Variants in DIP2C observed in about 807,000 individuals in gnomAD.
DIP2C encodes the protein DIP2 acetate--CoA ligase C (putative).
Under a neutral mutation model 192.4 loss-of-function variants are expected in DIP2C, and 33 were observed. The ratio of observed to expected loss-of-function variants is 0.17; its 90% confidence interval spans 0.13 to 0.23. The LOEUF (loss-of-function observed/expected upper bound fraction) is 0.23, where lower values mean the gene tolerates loss of function less well. Among genes scored for constraint, DIP2C ranks in the 10% least tolerant of loss-of-function variants. DIP2C has a pLI of 1.00. For synonymous variants in DIP2C, 979 were observed against 864.1 expected, an observed-to-expected ratio of 1.13 and a Z score of -2.33; for missense variants, 1,537 against 2,110.1, an observed-to-expected ratio of 0.73 and a Z score of 5.32.
At chr10:383,770 C>T (rs144721634) in intron 16 of DIP2C, among the ~76,000 whole-genome samples, 79 of 152,218 alleles carry the variant, frequency 5.2e-4, no homozygotes, top group African/African-American at 1.8e-3. Flanking sequence ...TCCTCTGAAT[C>T]CCAGGGCTGT....
At chr10:510,093 T>A (rs960225507) in intron 1 of DIP2C, among the ~76,000 whole-genome samples, 3 of 152,230 alleles carry the variant, frequency 2.0e-5, no homozygotes. Context: ...GAGGGAGTTA[T>A]CTGTAGCAAT....
At chr10:579,905 A>G (rs1047412815) in intron 1 of DIP2C, among the ~76,000 whole-genome samples, 2 of 151,872 alleles carry the variant, frequency 1.3e-5, no homozygotes, top group African/African-American at 2.4e-5. Context: ...CACACAATCT[A>G]TATGCATACA....
rs147940967 is a variant in DIP2C, at chr10:619,558, C to T, written c.85+69936G>A. On this transcript the variant is annotated intron_variant, in intron 1 of 36. Coordinates refer to ENST00000280886, the MANE Select transcript of DIP2C (RefSeq NM_014974.3). ...GCCCGCCCGCCCTCCCACCCAGCTC[C>T]TCACGCACTCCCGTGCGAGCTAATA... 5.0e-3 allele frequency among the ~76,000 whole-genome samples: 691 copies of T among 138,908 alleles called. 17 individuals are homozygous for T. Among genetic ancestry groups the T allele is most frequent in the Admixed American group, 0.042 (586 of 14,032 alleles). The allele number at this position is 138,908 out of a possible 152,430, so 91.1% of individuals were successfully genotyped here.
intron 1 of DIP2C, among the ~76,000 whole-genome samples, chr10:507,704 G>C (rs1845714981): frequency 6.6e-6 from 1 of 152,166 alleles, no homozygotes; most frequent in African/African-American, 2.4e-5. Flanking sequence ...GCACAGGTGA[G>C]TTTGTTCCCG....
intron 4 of DIP2C, among the ~76,000 whole-genome samples, chr10:428,396 G>A (rs1485173515): frequency 1.3e-5 from 2 of 152,124 alleles, no homozygotes; most frequent in East Asian, 3.9e-4. Flanking sequence ...TTTCATCCGT[G>A]TTTATAAAGG....
intron 29 of DIP2C, among the ~76,000 whole-genome samples, chr10:331,710 G>A (rs7091865): frequency 0.95 from 144,957 of 152,282 alleles, 69,334 homozygotes; most frequent in East Asian, 1. Context: ...CAGTGGTCCC[G>A]GAACCTATCT....
At chr10:584,083 C>G (rs1262330009) in intron 1 of DIP2C, among the ~76,000 whole-genome samples, 1 of 152,204 alleles carries the variant, frequency 6.6e-6, no homozygotes, top group Non-Finnish European at 1.5e-5. Context: ...CCCTTCAGCA[C>G]TGACTCTGAG....
chr10:507,467 G>A (rs2050969), intron 1 of DIP2C, among the ~76,000 whole-genome samples: 5 of 150,336 alleles, frequency 3.3e-5, no homozygotes, highest in African/African-American at 7.3e-5. Flanking sequence ...GTGAGGTTAC[G>A]GACTTGGTCA....
chr10:421,845 C>A (rs10795124), intron 5 of DIP2C, among the ~76,000 whole-genome samples: 67,976 of 152,044 alleles, frequency 0.45, 15,826 homozygotes, highest in African/African-American at 0.56. Context: ...AGCTCTCCTG[C>A]CAGCAAACTC....
Position 274,431 on chromosome 10 carries a change from TC to T in DIP2C, c.*2893del, listed in dbSNP as rs1300371141. 1 of 152,216 alleles carries T rather than the reference TC, an allele frequency of 6.6e-6. No homozygotes were observed. The highest frequency in any genetic ancestry group is 1.5e-5 in the Non-Finnish European group (1 of 68,036). The allele number at this position is 152,216 out of a possible 1,614,324, so 9.4% of individuals were successfully genotyped here. A position where few individuals can be genotyped will look rare whatever the true frequency, so the allele number is the denominator to read the frequency against. On this transcript the variant is annotated 3_prime_UTR_variant, in exon 37 of 37. Coordinates refer to ENST00000280886, the MANE Select transcript of DIP2C (RefSeq NM_014974.3). ...GGATTAAAGCTGTCCCAGACATCTT[TC>T]CAGGGGACCAATTAAGAAACTGCTA...
intron 17 of DIP2C, chr10:370,168 C>T (rs769389333): frequency 1.7e-6 from 1 of 594,708 alleles, no homozygotes; most frequent in Non-Finnish European, 2.1e-6. Context: ...AAGATTTACG[C>T]TGTGCCATTG....
intron 1 of DIP2C, among the ~76,000 whole-genome samples, chr10:620,125 C>T (rs1337685506): frequency 1.3e-5 from 2 of 152,162 alleles, no homozygotes; most frequent in Non-Finnish European, 2.9e-5. Context: ...ACGGAGGACG[C>T]CACAGCCGAT....
intron 2 of DIP2C, chr10:484,766 C>G (rs1365392836): frequency 6.2e-7 from 1 of 1,608,696 alleles, no homozygotes; most frequent in East Asian, 2.2e-5. Flanking sequence ...TGGCTCTCAG[C>G]AAAGCAGCGC....
chr10:490,824 T>G (rs1409047815), intron 1 of DIP2C, among the ~76,000 whole-genome samples: 1 of 151,894 alleles, frequency 6.6e-6, no homozygotes, highest in Non-Finnish European at 1.5e-5. Flanking sequence ...GAAGCAGAAA[T>G]TAAAATCACA....
chr10:535,211 A>G (rs1003743927), intron 1 of DIP2C, among the ~76,000 whole-genome samples: 29 of 152,090 alleles, frequency 1.9e-4, no homozygotes, highest in Admixed American at 7.2e-4. Flanking sequence ...CACCTGCCCT[A>G]GAGACCCACA....
chr10:372,361 T>TA (rs1263381313), intron 17 of DIP2C, among the ~76,000 whole-genome samples: 1 of 152,202 alleles, frequency 6.6e-6, no homozygotes, highest in African/African-American at 2.4e-5. Flanking sequence ...AGGCGTGAGC[T>TA]ACTGTGCCTG....
At chr10:378,723 GAACA>G (rs1379151088) in intron 17 of DIP2C, among the ~76,000 whole-genome samples, 10 of 151,166 alleles carry the variant, frequency 6.6e-5, no homozygotes, top group Non-Finnish European at 1.2e-4. Context: ...ACAGACACGT[GAACA>G]GACATGCATA....
chr10:388,776 G>A (rs1187444070), intron 13 of DIP2C, among the ~76,000 whole-genome samples: 1 of 152,232 alleles, frequency 6.6e-6, no homozygotes, highest in African/African-American at 2.4e-5. Flanking sequence ...TTCCACAGCG[G>A]AGCGGCAGAT....
At chr10:574,494 C>T (rs143428318) in intron 1 of DIP2C, among the ~76,000 whole-genome samples, 1 of 152,348 alleles carries the variant, frequency 6.6e-6, no homozygotes, top group African/African-American at 2.4e-5. Context: ...GACTCTGGCC[C>T]AAGCCCAGCT....
Sources: allele counts gnomAD v4.1 joint callset (sites outside exome capture counted in the v4.1 genomes callset), GRCh38; gene constraint gnomAD v4.1.1; transcripts MANE v1.5; gene names NCBI Gene and HGNC (gene_info 2026-07-23, HGNC 2026-07-21).